FBXL17: variants seen among roughly 807,000 people sequenced by gnomAD.
The protein encoded by FBXL17 is F-box/LRR-repeat protein 17.
FBXL17 carries 22 observed loss-of-function variants against 66.2 expected under a neutral mutation model. The observed-to-expected ratio is 0.33, with a 90% confidence interval of 0.24 to 0.47. FBXL17 has a LOEUF of 0.47. Ranked by LOEUF, FBXL17 falls within the 20% of genes least tolerant of loss-of-function variation. The pLI, the probability that FBXL17 is intolerant of heterozygous loss-of-function variation, is 1.00. For missense variants in FBXL17, 878 were observed against 948.2 expected (o/e 0.93, Z 0.97); for synonymous variants, 474 against 400.5 (o/e 1.18, Z -2.19).
chr5:107,953,397 T>A (rs552057593), intron 7 of FBXL17, among the ~76,000 whole-genome samples: 150 of 117,962 alleles, frequency 1.3e-3, no homozygotes, highest in Middle Eastern at 5.5e-3. Context: ...AGTGAGACTC[T>A]CTCTCAAAAA....
intron 4 of FBXL17, among the ~76,000 whole-genome samples, chr5:108,252,801 C>A (rs1756412091): frequency 6.6e-6 from 1 of 152,152 alleles, no homozygotes; most frequent in Admixed American, 6.5e-5. Flanking sequence ...AACATTATTT[C>A]ACCCCAAAGC....
At chr5:108,093,729 T>G (rs1273880930) in intron 6 of FBXL17, among the ~76,000 whole-genome samples, 1 of 152,170 alleles carries the variant, frequency 6.6e-6, no homozygotes. Flanking sequence ...CAGAATTAAG[T>G]GGGTAGGTCT....
intron 7 of FBXL17, among the ~76,000 whole-genome samples, chr5:107,929,969 T>G (rs569979420): frequency 5.0e-4 from 76 of 152,186 alleles, no homozygotes; most frequent in African/African-American, 1.8e-3. Flanking sequence ...CAGAAGAAAA[T>G]CTAATGAACC....
intron 7 of FBXL17, among the ~76,000 whole-genome samples, chr5:108,004,336 C>T: frequency 6.6e-6 from 1 of 152,068 alleles, no homozygotes; most frequent in South Asian, 2.1e-4. Context: ...ATAATGTAAT[C>T]CTACTTATTC....
chr5:108,086,616 T>C (rs1748980884), intron 6 of FBXL17, among the ~76,000 whole-genome samples: 1 of 152,212 alleles, frequency 6.6e-6, no homozygotes, highest in African/African-American at 2.4e-5. Context: ...TGGAGTGCAG[T>C]GGCATGATCT....
At chr5:108,032,697 A>G (rs1268899392) in intron 6 of FBXL17, among the ~76,000 whole-genome samples, 2 of 152,184 alleles carry the variant, frequency 1.3e-5, no homozygotes, top group African/African-American at 4.8e-5. Flanking sequence ...ACAGGGGATG[A>G]CACCCTGATA....
intron 6 of FBXL17, among the ~76,000 whole-genome samples, chr5:108,030,544 A>G (rs1476121348): frequency 6.6e-6 from 1 of 152,142 alleles, no homozygotes; most frequent in Non-Finnish European, 1.5e-5. Flanking sequence ...TGAACAGTGC[A>G]TCTCTTTGGC....
In FBXL17 at chr5:108,364,998, G is replaced by A. The variant is rs772911405; in HGVS notation, c.1117-3C>T. The stretch of plus-strand genomic sequence containing the variant: ...TTTTCCAACAATTCATCAGTGACCT[G>A]TAAGAGAAAAAGCAATAAATTTAAA... On this transcript the variant is annotated splice_polypyrimidine_tract_variant and splice_region_variant and intron_variant, in intron 2 of 8. Coordinates refer to ENST00000542267, the MANE Select transcript of FBXL17 (RefSeq NM_001163315.3). 2 of 1,586,394 alleles carry A rather than the reference G, an allele frequency of 1.3e-6. No homozygotes were observed. Among genetic ancestry groups the A allele is most frequent in the Non-Finnish European group, 1.7e-6 (2 of 1,166,096 alleles).
chr5:108,066,797 C>T (rs1223728791), intron 6 of FBXL17, among the ~76,000 whole-genome samples: 1 of 151,766 alleles, frequency 6.6e-6, no homozygotes, highest in African/African-American at 2.4e-5. Flanking sequence ...ATTAATTACT[C>T]ACTTTTATTC....
At chr5:108,357,223 A>G (rs1748055558) in intron 3 of FBXL17, among the ~76,000 whole-genome samples, 1 of 152,118 alleles carries the variant, frequency 6.6e-6, no homozygotes. Context: ...CTTCAGAAGA[A>G]GAAAAGTTAT....
intron 6 of FBXL17, among the ~76,000 whole-genome samples, chr5:108,148,300 G>A (rs937129325): frequency 6.6e-6 from 1 of 152,040 alleles, no homozygotes; most frequent in South Asian, 2.1e-4. Context: ...AAAAAAATAA[G>A]TGCCAGGGAA....
intron 4 of FBXL17, among the ~76,000 whole-genome samples, chr5:108,288,050 G>C (rs1185336138): frequency 2.0e-5 from 3 of 151,986 alleles, no homozygotes; most frequent in Non-Finnish European, 4.4e-5. Context: ...ACTTATAAGT[G>C]GGAGATAACC....
intron 6 of FBXL17, among the ~76,000 whole-genome samples, chr5:108,145,248 G>A (rs1371961617): frequency 6.6e-6 from 1 of 152,068 alleles, no homozygotes; most frequent in Admixed American, 6.5e-5. Flanking sequence ...TTACAAGTAA[G>A]GAAGTACTTG....
intron 8 of FBXL17, among the ~76,000 whole-genome samples, chr5:107,873,185 G>A (rs1748512291): frequency 6.6e-6 from 1 of 152,240 alleles, no homozygotes; most frequent in Admixed American, 6.5e-5. Flanking sequence ...AGCTGATGTA[G>A]GATCAAAGTG....
Position 108,274,666 on chromosome 5 carries a change from T to C in FBXL17, c.1507-50438A>G, listed in dbSNP as rs532633754. 1.1e-4 allele frequency among the ~76,000 whole-genome samples: 17 copies of C among 152,316 alleles called. No individual in the cohort carries two copies. In the East Asian group the frequency reaches 1.4e-3, roughly 12 times the overall value. On this transcript the variant is annotated intron_variant, in intron 4 of 8. Coordinates refer to ENST00000542267, the MANE Select transcript of FBXL17 (RefSeq NM_001163315.3). Reference sequence around the variant, plus strand: ...TGACTGGGGAAGTGATAAGTGTCCATGAAATCTTTACAATTTATGTTTAGA... The same window carrying C: ...TGACTGGGGAAGTGATAAGTGTCCACGAAATCTTTACAATTTATGTTTAGA...
chr5:108,262,515 A>G (rs1016483416), intron 4 of FBXL17, among the ~76,000 whole-genome samples: 1 of 152,174 alleles, frequency 6.6e-6, no homozygotes, highest in African/African-American at 2.4e-5. Flanking sequence ...CCCTCTCAAA[A>G]AGCCAATGGT....
chr5:108,012,851 A>G (rs1754228744), intron 7 of FBXL17, among the ~76,000 whole-genome samples: 1 of 152,068 alleles, frequency 6.6e-6, no homozygotes, highest in Non-Finnish European at 1.5e-5. Context: ...CCCTGTCTCT[A>G]CTAAAAATAC....
chr5:108,009,292 T>G (rs796606014), intron 7 of FBXL17, among the ~76,000 whole-genome samples: 2,652 of 35,778 alleles, frequency 0.074, 573 homozygotes, highest in Non-Finnish European at 0.1. Flanking sequence ...TATATATATA[T>G]ATATATATAC....
chr5:108,071,998 T>C (rs502790), intron 6 of FBXL17, among the ~76,000 whole-genome samples: 118,162 of 152,020 alleles, frequency 0.78, 46,309 homozygotes, highest in East Asian at 0.93. Context: ...CTCTATCTTC[T>C]GGATTGTTTC....
Sources: allele counts gnomAD v4.1 joint callset (sites outside exome capture counted in the v4.1 genomes callset), GRCh38; gene constraint gnomAD v4.1.1; transcripts MANE v1.5; gene names NCBI Gene and HGNC (gene_info 2026-07-23, HGNC 2026-07-21).